Variants in DHX34 observed in about 807,000 individuals in gnomAD.
The protein encoded by DHX34 is probable ATP-dependent RNA helicase DHX34.
Under a neutral mutation model 111.1 loss-of-function variants are expected in DHX34, and 96 were observed. That is an observed-to-expected ratio of 0.86 (90% CI 0.73 to 1.02). The LOEUF is 1.02. Among genes scored for constraint, DHX34 ranks in the 50% least tolerant of loss-of-function variants. The pLI, the probability that DHX34 is intolerant of heterozygous loss-of-function variation, is 0.00. For missense variants in DHX34, 1,560 were observed against 1,579.9 expected, an observed-to-expected ratio of 0.99 and a Z score of 0.21; for synonymous variants, 688 against 670.4, an observed-to-expected ratio of 1.03 and a Z score of -0.41.
At chr19:47,368,745 G>A (rs1054925168) in intron 7 of DHX34, among the ~76,000 whole-genome samples, 15 of 147,534 alleles carry the variant, frequency 1.0e-4, no homozygotes, top group African/African-American at 3.3e-4. Context: ...ATGGAGTCTC[G>A]CTCTGTTGCC....
chr19:47,363,244 G>A (rs928638021), intron 6 of DHX34, among the ~76,000 whole-genome samples: 16 of 151,998 alleles, frequency 1.1e-4, no homozygotes, highest in African/African-American at 2.9e-4. Flanking sequence ...ATGAGCCACC[G>A]CGCCCGGCCT....
Position 47,353,574 on chromosome 19 carries a change from G to A in DHX34, c.544G>A (p.Val182Ile). 1.2e-6 allele frequency: 2 copies of A among 1,613,254 alleles called. No individual in the cohort carries two copies. Among genetic ancestry groups the A allele is most frequent in the Non-Finnish European group, 1.7e-6 (2 of 1,180,030 alleles). ...GACGCTGAAGGAGCACCAGGTGGTG[G>A]TAGTGGCCGGTGACACCGGCTGTGG... Reference protein sequence around the residue: ...LQTLKEHQVVVVAGDTGCGKS... With the variant: ...LQTLKEHQVVIVAGDTGCGKS... Residue 182 changes from valine (V) to isoleucine (I), a missense_variant, in exon 2 of 17, where the codon GTA becomes ATA. Val to Ile is a conservative substitution (Grantham distance 29, BLOSUM62 3). Transcript: ENST00000328771. The surrounding 1 kb of genome is among the most constrained non-coding windows in gnomAD (Gnocchi z 4.6).
At chr19:47,371,285 C>G (rs564375209) in intron 7 of DHX34, among the ~76,000 whole-genome samples, 2 of 152,188 alleles carry the variant, frequency 1.3e-5, no homozygotes, top group Middle Eastern at 3.2e-3. Context: ...GTGGGGAAAA[C>G]GAGGCTCAGA....
At chr19:47,380,035 C>A (rs772655279) in intron 14 of DHX34, 50 bp downstream of exon 14, 6 of 1,526,778 alleles carry the variant, frequency 3.9e-6, no homozygotes, top group Non-Finnish European at 3.5e-6. Context: ...AAGGGGCATC[C>A]GTCACTGGGC....
At chr19:47,375,183 A>G (rs1159938870) in intron 9 of DHX34, among the ~76,000 whole-genome samples, 6 of 152,204 alleles carry the variant, frequency 3.9e-5, no homozygotes. Context: ...CCCAGACCCA[A>G]GGGGCAGGTG....
chr19:47,358,234 A>C, intron 4 of DHX34, 114 bp downstream of exon 4: 5 of 1,455,810 alleles, frequency 3.4e-6, no homozygotes, highest in Non-Finnish European at 4.5e-6. Context: ...TACTTGTGCA[A>C]AGTCGTAGCC....
At chr19:47,368,066 G>A (rs890052690) in intron 7 of DHX34, among the ~76,000 whole-genome samples, 46 of 151,220 alleles carry the variant, frequency 3.0e-4, no homozygotes, top group Admixed American at 5.3e-4. Flanking sequence ...ATCTTGGTTT[G>A]GACCAGCCAT....
intron 1 of DHX34, among the ~76,000 whole-genome samples, chr19:47,352,337 C>G (rs1459133412): frequency 6.6e-6 from 1 of 152,188 alleles, no homozygotes; most frequent in Non-Finnish European, 1.5e-5. Context: ...TATTCATTAC[C>G]TCCTTTTTCT....
At position 47,352,841 on chromosome 19, in the gene DHX34, C is replaced by T. The variant is rs993748931; in HGVS notation, c.-190C>T. On this transcript the variant is annotated 5_prime_UTR_variant, in exon 2 of 17. Coordinates refer to ENST00000328771, the MANE Select transcript of DHX34 (RefSeq NM_014681.6). ...TGAGGTACCCTTTGTGTCACCAGCT[C>T]AAGCAGGCCTCTGGCCACTTTATCA... is the stretch of plus-strand genomic sequence containing the variant. 4.1e-6 allele frequency: 5 copies of T among 1,227,330 alleles called. No individual in the cohort carries two copies. Among genetic ancestry groups the T allele is most frequent in the South Asian group, 1.7e-5 (1 of 60,512 alleles). 76.0% of individuals were successfully genotyped at this position (1,227,330 alleles called of 1,614,324 possible). A position where few individuals can be genotyped will look rare whatever the true frequency, so the allele number is the denominator to read the frequency against.
At chr19:47,379,531 T>G in intron 13 of DHX34, 179 bp from the exon 14 acceptor site, 4 of 967,188 alleles carry the variant, frequency 4.1e-6, no homozygotes, top group Non-Finnish European at 4.9e-6. Context: ...GGCTGCCTTG[T>G]TCATGCCGTA....
At chr19:47,368,534 G>A (rs1163162163) in intron 7 of DHX34, among the ~76,000 whole-genome samples, 1 of 150,174 alleles carries the variant, frequency 6.7e-6, no homozygotes, top group Non-Finnish European at 1.5e-5. Flanking sequence ...TTGAACTCCC[G>A]ACCTCAGGTG....
intron 9 of DHX34, chr19:47,375,222 G>C: frequency 1.1e-6 from 1 of 943,476 alleles, no homozygotes; most frequent in Non-Finnish European, 1.3e-6. Flanking sequence ...GGAGCCAGCT[G>C]TGGGAAAAGG....
chr19:47,353,587 A>T lies in DHX34; in HGVS notation c.557A>T (p.Asp186Val). 1 of 1,613,164 alleles carries T rather than the reference A, an allele frequency of 6.2e-7. No individual in the cohort carries two copies. ...CACCAGGTGGTGGTAGTGGCCGGTG[A>T]CACCGGCTGTGGCAAGTCCACTCAG... ...KEHQVVVVAG[D>V]TGCGKSTQVP... Residue 186 changes from aspartate (D) to valine (V), a missense_variant, in exon 2 of 17, where the codon GAC becomes GTC. By Grantham distance (152) the Asp-to-Val change is radical (BLOSUM62 -3). Coordinates refer to ENST00000328771, the MANE Select transcript of DHX34 (RefSeq NM_014681.6). The surrounding 1 kb of genome is among the most constrained non-coding windows in gnomAD (Gnocchi z 4.6).
chr19:47,381,035 G>A (rs1371358372), intron 15 of DHX34, 43 bp downstream of exon 15: 1 of 1,542,184 alleles, frequency 6.5e-7, no homozygotes, highest in South Asian at 1.3e-5. Context: ...ATTTCAGGAA[G>A]ACCCCACCAC....
chr19:47,370,075 C>G (rs893757144), intron 7 of DHX34, among the ~76,000 whole-genome samples: 4 of 152,190 alleles, frequency 2.6e-5, no homozygotes, highest in South Asian at 2.1e-4. Context: ...GTCTCAGGCA[C>G]TCACCTGACG....
At chr19:47,354,351 A>G (rs1231567771) in intron 2 of DHX34, among the ~76,000 whole-genome samples, 1 of 152,204 alleles carries the variant, frequency 6.6e-6, no homozygotes, top group Non-Finnish European at 1.5e-5. Flanking sequence ...GGTCATGAGG[A>G]TGAAATGGGT....
intron 2 of DHX34, 107 bp from the exon 3 acceptor site, chr19:47,354,932 G>A: frequency 2.6e-6 from 4 of 1,532,366 alleles, no homozygotes; most frequent in Non-Finnish European, 2.6e-6. Context: ...GGGATTACAG[G>A]CGTGAGCCAC....
chr19:47,382,433 C>G lies in DHX34; in HGVS notation c.*320C>G, dbSNP rs111565705. 0.037 allele frequency: 11,015 copies of G among 300,518 alleles called. 285 individuals are homozygous for G. The highest frequency in any genetic ancestry group is 0.085 in the African/African-American group (3,896 of 45,918). The allele number at this position is 300,518 out of a possible 1,614,324, so 18.6% of individuals were successfully genotyped here. ...GAGCCAGCAGGGACCTCCCATGTCT[C>G]CAGATTCCAGGTGCAGGTTCTTAGC... On this transcript the variant is annotated 3_prime_UTR_variant, in exon 17 of 17. Coordinates refer to ENST00000328771, the MANE Select transcript of DHX34 (RefSeq NM_014681.6).
At chr19:47,373,814 C>T (rs1970047685) in intron 9 of DHX34, 114 bp downstream of exon 9, 2 of 1,307,958 alleles carry the variant, frequency 1.5e-6, no homozygotes, top group South Asian at 1.4e-5. Context: ...TCCCACCCTG[C>T]ACCCACCTCC....
Sources: allele counts gnomAD v4.1 joint callset (sites outside exome capture counted in the v4.1 genomes callset), GRCh38; gene constraint gnomAD v4.1.1; non-coding constraint Gnocchi (gnomAD v3.1); transcripts MANE v1.5; gene names NCBI Gene and HGNC (gene_info 2026-07-23, HGNC 2026-07-21).